The following ARHGAP15 variants were observed in gnomAD, a reference collection of about 807,000 sequenced individuals.
The protein encoded by ARHGAP15 is rho GTPase-activating protein 15.
A neutral mutation model predicts 63.7 loss-of-function variants in ARHGAP15; 51 were observed. The observed-to-expected ratio is 0.80, with a 90% CI of 0.64 to 1.01. The LOEUF (loss-of-function observed/expected upper bound fraction) is 1.01, where lower values mean the gene tolerates loss of function less well. ARHGAP15 is among the 50% of genes least tolerant of loss of function. ARHGAP15 has a pLI of 0.00. For missense variants in ARHGAP15, 560 were observed against 564.6 expected, an observed-to-expected ratio of 0.99 and a Z score of 0.08; for synonymous variants, 191 against 193.8, an observed-to-expected ratio of 0.99 and a Z score of 0.12.
At chr2:143,644,076 A>G (rs920187269) in intron 12 of ARHGAP15, among the ~76,000 whole-genome samples, 1 of 152,136 alleles carries the variant, frequency 6.6e-6, no homozygotes, top group Non-Finnish European at 1.5e-5. Flanking sequence ...GTAAGGGGAA[A>G]GCATAACAGA....
At chr2:143,365,492 G>C (rs145580241) in intron 6 of ARHGAP15, among the ~76,000 whole-genome samples, 2 of 152,286 alleles carry the variant, frequency 1.3e-5, no homozygotes, top group Admixed American at 1.3e-4. Context: ...TGCCGTAATT[G>C]TCAGGCATAT....
intron 1 of ARHGAP15, among the ~76,000 whole-genome samples, chr2:143,145,433 T>G (rs184377054): frequency 1.3e-5 from 2 of 151,988 alleles, no homozygotes; most frequent in Admixed American, 6.6e-5. Context: ...AGGGTTGAGG[T>G]TCTACCTTTC....
intron 6 of ARHGAP15, among the ~76,000 whole-genome samples, chr2:143,414,091 T>C (rs976097604): frequency 6.6e-6 from 1 of 151,608 alleles, no homozygotes; most frequent in African/African-American, 2.4e-5. Flanking sequence ...TTATTGCATA[T>C]ATTTAGGAAA....
intron 10 of ARHGAP15, among the ~76,000 whole-genome samples, chr2:143,532,195 C>T (rs1430286977): frequency 6.6e-6 from 1 of 152,158 alleles, no homozygotes; most frequent in Non-Finnish European, 1.5e-5. Flanking sequence ...ATAATGCATC[C>T]TTATGAGAGA....
chr2:143,758,370 T>A (rs1425174423), intron 13 of ARHGAP15, among the ~76,000 whole-genome samples: 1 of 151,870 alleles, frequency 6.6e-6, no homozygotes, highest in Non-Finnish European at 1.5e-5. Flanking sequence ...ATTATAGTTA[T>A]GAAGAAATTT....
intron 6 of ARHGAP15, among the ~76,000 whole-genome samples, chr2:143,318,832 T>G (rs989748345): frequency 2.6e-5 from 4 of 152,154 alleles, no homozygotes; most frequent in Non-Finnish European, 4.4e-5. Context: ...ACAACATTAA[T>G]GCTCAATAAC....
At chr2:143,500,534 A>G (rs1433926330) in intron 9 of ARHGAP15, among the ~76,000 whole-genome samples, 1 of 152,190 alleles carries the variant, frequency 6.6e-6, no homozygotes, top group African/African-American at 2.4e-5. Context: ...GTATGTTCAG[A>G]TGTAAGAAAA....
intron 4 of ARHGAP15, among the ~76,000 whole-genome samples, chr2:143,222,217 A>T (rs1429044717): frequency 6.6e-6 from 1 of 152,212 alleles, no homozygotes. Context: ...CTGTACGTTT[A>T]ACAGTGTCTG....
intron 6 of ARHGAP15, among the ~76,000 whole-genome samples, chr2:143,350,467 G>A (rs1685506417): frequency 6.6e-6 from 1 of 152,030 alleles, no homozygotes; most frequent in Non-Finnish European, 1.5e-5. Context: ...AAACTGCCTA[G>A]AGGATGCTAA....
intron 11 of ARHGAP15, among the ~76,000 whole-genome samples, chr2:143,565,496 C>A (rs1007210167): frequency 6.6e-6 from 1 of 152,132 alleles, no homozygotes; most frequent in Non-Finnish European, 1.5e-5. Flanking sequence ...TTATACAAAC[C>A]AACTCTATAT....
At chr2:143,578,917 TTAAA>T (rs1302475214) in intron 11 of ARHGAP15, among the ~76,000 whole-genome samples, 9 of 152,202 alleles carry the variant, frequency 5.9e-5, no homozygotes, top group Admixed American at 4.6e-4. Flanking sequence ...ACCATTAACT[TTAAA>T]TAGTATTAAT....
intron 2 of ARHGAP15, among the ~76,000 whole-genome samples, chr2:143,169,171 C>T (rs1690664817): frequency 6.6e-6 from 1 of 152,038 alleles, no homozygotes; most frequent in Non-Finnish European, 1.5e-5. Context: ...TGAGATTTCA[C>T]ATGAAAATTT....
intron 5 of ARHGAP15, among the ~76,000 whole-genome samples, chr2:143,249,686 T>A (rs1680051510): frequency 6.6e-6 from 1 of 152,108 alleles, no homozygotes; most frequent in African/African-American, 2.4e-5. Context: ...TGTAAAGTTG[T>A]ATAAGTATGA....
chr2:143,205,320 T>C (rs1291723948), intron 3 of ARHGAP15, among the ~76,000 whole-genome samples: 2 of 151,564 alleles, frequency 1.3e-5, no homozygotes, highest in African/African-American at 4.8e-5. Context: ...CCACACCATT[T>C]CCATGTACAC....
chr2:143,414,382 T>C (rs1354317241), intron 6 of ARHGAP15, among the ~76,000 whole-genome samples: 4 of 151,932 alleles, frequency 2.6e-5, no homozygotes, highest in African/African-American at 9.7e-5. Context: ...TGGCTACAAG[T>C]AAGAAATGTC....
At chr2:143,370,092 A>G (rs181092140) in intron 6 of ARHGAP15, among the ~76,000 whole-genome samples, 31 of 152,326 alleles carry the variant, frequency 2.0e-4, no homozygotes, top group Non-Finnish European at 1.3e-4. Context: ...AAAGAACTAC[A>G]TCATTTTATG....
rs1692609192 is a variant in ARHGAP15 at position 143,212,769 on chromosome 2, C to T, written c.235-3615C>T. On this transcript the variant is annotated intron_variant, in intron 3 of 13. Transcript: ENST00000295095. ...ATGCAAAATGCATAGCAATCTTTTGCTTGCCCTAATACTTCTTTCGGCACA... is the reference window on the plus strand; with the variant it reads ...ATGCAAAATGCATAGCAATCTTTTGTTTGCCCTAATACTTCTTTCGGCACA... 2.6e-5 allele frequency among the ~76,000 whole-genome samples: 4 copies of T among 152,188 alleles called. No individual in the cohort carries two copies. In the South Asian group the frequency reaches 6.2e-4, roughly 24 times the overall value.
intron 6 of ARHGAP15, among the ~76,000 whole-genome samples, chr2:143,350,593 G>A (rs1377931443): frequency 6.6e-6 from 1 of 151,092 alleles, no homozygotes; most frequent in Non-Finnish European, 1.5e-5. Flanking sequence ...GCCGAGGGGG[G>A]TGGATCACGA....
intron 12 of ARHGAP15, among the ~76,000 whole-genome samples, chr2:143,684,017 TAAA>T (rs1191226762): frequency 2.6e-5 from 4 of 151,768 alleles, no homozygotes; most frequent in Non-Finnish European, 5.9e-5. Flanking sequence ...GAAGAAAACT[TAAA>T]AAAAAATTCC....
Sources: allele counts gnomAD v4.1 joint callset (sites outside exome capture counted in the v4.1 genomes callset), GRCh38; gene constraint gnomAD v4.1.1; transcripts MANE v1.5; gene names NCBI Gene and HGNC (gene_info 2026-07-23, HGNC 2026-07-21).